Variants in EBF4 observed in about 807,000 individuals in gnomAD.
EBF4 encodes transcription factor COE4.
EBF4 carries 34 observed loss-of-function variants against 67.1 expected under a neutral mutation model. The observed-to-expected ratio is 0.51, with a 90% CI of 0.39 to 0.67. EBF4 has a LOEUF of 0.67. Ranked by LOEUF, EBF4 falls within the 30% of genes least tolerant of loss-of-function variation. The pLI is 0.00. For missense variants in EBF4, 837 were observed against 873.3 expected, an observed-to-expected ratio of 0.96 and a Z score of 0.52; for synonymous variants, 387 against 377.7, an observed-to-expected ratio of 1.02 and a Z score of -0.29.
intron 7 of EBF4, among the ~76,000 whole-genome samples, chr20:2,748,919 C>A (rs1367602104): frequency 6.6e-6 from 1 of 152,200 alleles, no homozygotes; most frequent in South Asian, 2.1e-4. Context: ...TAGCGTGAAG[C>A]GGAGAGCAGC....
At position 2,755,881 on chromosome 20, in the gene EBF4, T is replaced by A; in HGVS notation, c.1738+57T>A. ...GAAGGAAGGGCCCTTGTGGAGCAGC[T>A]GGGCTACAGGGGCCTGCTCTGTCCA... is the stretch of plus-strand genomic sequence containing the variant. On this transcript the variant is annotated intron_variant, in intron 15 of 16. Transcript: ENST00000609451. This position sits in a 1 kb window ranked among gnomAD's most constrained non-coding sequence, Gnocchi z 4.7. 1 of 1,483,784 alleles carries A rather than the reference T, an allele frequency of 6.7e-7. No homozygotes were observed. Among genetic ancestry groups the A allele is most frequent in the Non-Finnish European group, 9.1e-7 (1 of 1,104,480 alleles). The allele number at this position is 1,483,784 out of a possible 1,614,324, so 91.9% of individuals were successfully genotyped here.
rs751280569 is a variant in EBF4 at position 2,739,308 on chromosome 20, G to A, written c.558-9241G>A. On this transcript the variant is annotated intron_variant, in intron 6 of 16. Transcript: ENST00000609451. The surrounding 1 kb of genome is among the most constrained non-coding windows in gnomAD (Gnocchi z 4.5). Reference sequence around the variant, plus strand: ...TCAGGCACCACTGATCGAGTGAGCCGTCTGCCCCGTGGTGGAGCTGTTAGT... The same window carrying A: ...TCAGGCACCACTGATCGAGTGAGCCATCTGCCCCGTGGTGGAGCTGTTAGT... Among the ~76,000 whole-genome samples, 6 of 151,818 alleles carry A rather than the reference G, an allele frequency of 4.0e-5. No individual in the cohort carries two copies. Among genetic ancestry groups the A allele is most frequent in the East Asian group, 1.9e-4 (1 of 5,140 alleles).
rs1347325472 is a variant in EBF4, at chr20:2,751,620, T to G, written c.1019-80T>G. On this transcript the variant is annotated intron_variant, in intron 10 of 16. Coordinates refer to ENST00000609451, the Ensembl canonical transcript of EBF4. This position sits in a 1 kb window ranked among gnomAD's most constrained non-coding sequence, Gnocchi z 5.2. Reference sequence around the variant, plus strand: ...GAGGCTCTCGGACTGGGCGCTGGCCTGCTTTTGGCGCCCTGCGTCTCACCC... The same window carrying G: ...GAGGCTCTCGGACTGGGCGCTGGCCGGCTTTTGGCGCCCTGCGTCTCACCC... 2 of 1,450,502 alleles carry G rather than the reference T, an allele frequency of 1.4e-6. No homozygotes were observed. Among genetic ancestry groups the G allele is most frequent in the Non-Finnish European group, 1.9e-6 (2 of 1,058,604 alleles). 89.9% of individuals were successfully genotyped at this position (1,450,502 alleles called of 1,614,324 possible).
chr20:2,704,274 G>A (rs1179180383), intron 1 of EBF4, among the ~76,000 whole-genome samples: 5 of 151,972 alleles, frequency 3.3e-5, no homozygotes, highest in African/African-American at 1.2e-4. Flanking sequence ...CTCAAGCAGG[G>A]TACATTCCTG....
rs1444228639 is a variant in EBF4, at chr20:2,725,670, C to T, written c.557+16028C>T. Among the ~76,000 whole-genome samples, 6 of 152,202 alleles carry T rather than the reference C, an allele frequency of 3.9e-5. No homozygotes were observed. The East Asian group carries it at 5.8e-4, about 15-fold the overall frequency. ...GGTTGAACCAAATCTGGCCCCAAAC[C>T]GGGTATGTTTTCCCCCAGAAGAATT... On this transcript the variant is annotated intron_variant, in intron 6 of 16. Transcript: ENST00000609451.
chr20:2,711,177 AT>A, intron 6 of EBF4, among the ~76,000 whole-genome samples: 1 of 150,264 alleles, frequency 6.7e-6, no homozygotes, highest in South Asian at 2.1e-4. Context: ...AATAATAATA[AT>A]AAAATTAAAT....
chr20:2,733,318 A>G (rs2087838719), intron 6 of EBF4, among the ~76,000 whole-genome samples: 1 of 151,892 alleles, frequency 6.6e-6, no homozygotes, highest in Non-Finnish European at 1.5e-5. Flanking sequence ...TCTCTCTCTC[A>G]TTGCTTCTCA....
At chr20:2,729,382 G>T (rs1164908219) in intron 6 of EBF4, among the ~76,000 whole-genome samples, 2 of 152,202 alleles carry the variant, frequency 1.3e-5, no homozygotes, top group African/African-American at 4.8e-5. Context: ...GCCCCGCTTA[G>T]CTACTCAGGA....
At chr20:2,754,522 G>A (rs2146515818) in intron 14 of EBF4, among the ~76,000 whole-genome samples, 1 of 152,336 alleles carries the variant, frequency 6.6e-6, no homozygotes, top group East Asian at 1.9e-4. Flanking sequence ...TGTCTTAAAG[G>A]AGATGAGGCT....
intron 6 of EBF4, among the ~76,000 whole-genome samples, chr20:2,743,132 C>T (rs944954816): frequency 6.6e-6 from 1 of 152,198 alleles, no homozygotes; most frequent in Admixed American, 6.5e-5. Flanking sequence ...CTTCTTCTTC[C>T]CTGACTCCAT....
At chr20:2,706,098 T>C in intron 3 of EBF4, 61 bp downstream of exon 3, 3 of 1,547,666 alleles carry the variant, frequency 1.9e-6, no homozygotes, top group Non-Finnish European at 2.6e-6. Flanking sequence ...TGCAGCATCA[T>C]GCGACACCTA....
intron 6 of EBF4, among the ~76,000 whole-genome samples, chr20:2,720,404 TTTTC>T (rs1323824896): frequency 6.6e-6 from 1 of 152,164 alleles, no homozygotes; most frequent in Non-Finnish European, 1.5e-5. Context: ...CCCATTCTTC[TTTTC>T]TTTATCTTTT....
intron 6 of EBF4, among the ~76,000 whole-genome samples, chr20:2,713,663 G>A (rs1215319943): frequency 6.6e-6 from 1 of 152,120 alleles, no homozygotes; most frequent in Admixed American, 6.6e-5. Flanking sequence ...AAACATGAGA[G>A]GGCAAGAGAC....
At chr20:2,709,863 T>A (rs2087516686) in intron 6 of EBF4, among the ~76,000 whole-genome samples, 1 of 128,324 alleles carries the variant, frequency 7.8e-6, no homozygotes, top group Non-Finnish European at 1.6e-5. Flanking sequence ...GGAGCTGCTT[T>A]CCCCGACTCC....
intron 6 of EBF4, among the ~76,000 whole-genome samples, chr20:2,725,198 G>C (rs189403718): frequency 1.5e-3 from 231 of 152,122 alleles, no homozygotes; most frequent in African/African-American, 5.3e-3. Flanking sequence ...CTCCAATTTA[G>C]ATCTTTTTAT....
chr20:2,725,904 G>GT (rs1162890355), intron 6 of EBF4, among the ~76,000 whole-genome samples: 1 of 152,088 alleles, frequency 6.6e-6, no homozygotes, highest in Non-Finnish European at 1.5e-5. Context: ...ACTTATTTTT[G>GT]TTTTTTAGTA....
At chr20:2,748,699 G>C (rs997146034) in intron 7 of EBF4, 69 bp downstream of exon 7, 2 of 1,506,918 alleles carry the variant, frequency 1.3e-6, no homozygotes, top group Non-Finnish European at 1.8e-6. Context: ...GGAGGGGGAA[G>C]GGAAGGCTGT....
chr20:2,738,606 C>A (rs894623415), intron 6 of EBF4, among the ~76,000 whole-genome samples: 1 of 152,122 alleles, frequency 6.6e-6, no homozygotes, highest in South Asian at 2.1e-4. Context: ...TTCCTCCTCT[C>A]CCCTCAGGCC....
intron 6 of EBF4, among the ~76,000 whole-genome samples, chr20:2,736,389 A>T (rs2087877355): frequency 6.6e-6 from 1 of 152,210 alleles, no homozygotes; most frequent in South Asian, 2.1e-4. Context: ...TAGACCCTAG[A>T]TCAGGCACAT....
Sources: allele counts gnomAD v4.1 joint callset (sites outside exome capture counted in the v4.1 genomes callset), GRCh38; gene constraint gnomAD v4.1.1; non-coding constraint Gnocchi (gnomAD v3.1); transcripts MANE v1.5; gene names NCBI Gene and HGNC (gene_info 2026-07-23, HGNC 2026-07-21).